CWF19L2: variants seen among roughly 807,000 people sequenced by gnomAD.
CWF19L2 encodes the protein CWF19 like cell cycle control factor 2, also known as CWF19-like protein 2.
A neutral mutation model predicts 111.7 loss-of-function variants in CWF19L2; 98 were observed. That is an observed-to-expected ratio of 0.88 (90% CI 0.75 to 1.04). The LOEUF is 1.04. Among genes scored for constraint, CWF19L2 ranks in the 50% least tolerant of loss-of-function variants. The pLI, the probability that CWF19L2 is intolerant of heterozygous loss-of-function variation, is 0.00. For missense variants in CWF19L2, 1,101 were observed against 1,051.4 expected (o/e 1.05, Z -0.65); for synonymous variants, 351 against 342.9 (o/e 1.02, Z -0.26).
chr11:107,361,956 A>G (rs1213873187), intron 12 of CWF19L2, among the ~76,000 whole-genome samples: 1 of 152,156 alleles, frequency 6.6e-6, no homozygotes, highest in Admixed American at 6.5e-5. Flanking sequence ...GGCGCAGGTT[A>G]GTGGGTGCAC....
intron 3 of CWF19L2, among the ~76,000 whole-genome samples, chr11:107,452,438 T>A (rs1156619623): frequency 6.6e-6 from 1 of 152,098 alleles, no homozygotes; most frequent in African/African-American, 2.4e-5. Context: ...CACTAAAAAT[T>A]TCAGAACATT....
At chr11:107,424,076 C>T (rs1320259098) in intron 8 of CWF19L2, among the ~76,000 whole-genome samples, 1 of 151,660 alleles carries the variant, frequency 6.6e-6, no homozygotes, top group East Asian at 1.9e-4. Context: ...AAGGGGATCA[C>T]CAATATTCTG....
At position 107,429,043 on chromosome 11, in the gene CWF19L2, C is replaced by A. The variant is rs1861422744; in HGVS notation, c.1189G>T (p.Ala397Ser). The change falls in exon 8 of 18, where the codon GCT becomes TCT. Residue 397 changes from alanine to serine, a missense_variant. Ala to Ser is a moderately conservative substitution (Grantham distance 99). Transcript: ENST00000282251. ...EPLSSSSALV[A>S]QGSLCSGFRK... ...AAACCACTACACAAAGAGCCCTGAG[C>A]TACCAATGCTGAAGATGAACTAAGT... The A allele has an allele frequency of 1.9e-6, 3 of 1,613,826 alleles. No homozygotes were observed. Among genetic ancestry groups the A allele is most frequent in the African/African-American group, 2.7e-5 (2 of 75,026 alleles).
rs1861654165 is a variant in CWF19L2, at chr11:107,443,038, A to G, written c.351T>C (p.Asp117=). The change falls in exon 4 of 18, where the codon GAT becomes GAC. Residue 117 remains aspartate, a synonymous_variant. Transcript: ENST00000282251. ...ESSDSSSSSE[D]EWVEAVPSQT... is the part of the protein sequence containing the mutation. Reference sequence around the variant, plus strand: ...GGGATGGAACAGCCTCAACCCACTCATCTTCAGAGCTCTAAGAACATTTAG... The same window carrying G: ...GGGATGGAACAGCCTCAACCCACTCGTCTTCAGAGCTCTAAGAACATTTAG... 3 of 1,546,924 alleles carry G rather than the reference A, an allele frequency of 1.9e-6. No individual in the cohort carries two copies. In the African/African-American group the frequency reaches 4.1e-5, roughly 21 times the overall value.
intron 10 of CWF19L2, among the ~76,000 whole-genome samples, chr11:107,401,622 G>A (rs1222705922): frequency 4.6e-5 from 7 of 152,140 alleles, no homozygotes; most frequent in Admixed American, 2.6e-4. Context: ...GCTCATGGGT[G>A]AGTAGAATCA....
At chr11:107,403,798 T>C in intron 10 of CWF19L2, 2 of 871,354 alleles carry the variant, frequency 2.3e-6, no homozygotes, top group Non-Finnish European at 3.9e-6. Flanking sequence ...CCATATCCAC[T>C]TCTACTGTCA....
In CWF19L2 at chr11:107,404,533, C is replaced by T. The variant is rs1318623542; in HGVS notation, c.1618-11638G>A. The T allele has an allele frequency of 8.7e-6, 6 of 690,360 alleles. No individual in the cohort carries two copies. In the Admixed American group the frequency reaches 1.1e-4, roughly 13 times the overall value. The allele number at this position is 690,360 out of a possible 1,614,324, so 42.8% of individuals were successfully genotyped here. A position where few individuals can be genotyped will look rare whatever the true frequency, so the allele number is the denominator to read the frequency against. Reference sequence around the variant, plus strand: ...ATCCCACAAACCTTGGAGTGCTGGGCATTTGTGTTGCAGGAGCTGGGGTGG... The same window carrying T: ...ATCCCACAAACCTTGGAGTGCTGGGTATTTGTGTTGCAGGAGCTGGGGTGG... On this transcript the variant is annotated intron_variant, in intron 10 of 17. Transcript: ENST00000282251.
chr11:107,414,954 C>T (rs1171557572), intron 10 of CWF19L2, among the ~76,000 whole-genome samples: 2 of 152,172 alleles, frequency 1.3e-5, no homozygotes, highest in East Asian at 3.8e-4. Flanking sequence ...TTCTGCAAAC[C>T]GTTCTTAATA....
At chr11:107,340,742 A>G (rs1201523262) in intron 14 of CWF19L2, among the ~76,000 whole-genome samples, 1 of 152,206 alleles carries the variant, frequency 6.6e-6, no homozygotes, top group Non-Finnish European at 1.5e-5. Context: ...ACTTAGATAA[A>G]AATTGTGTTA....
intron 9 of CWF19L2, among the ~76,000 whole-genome samples, chr11:107,417,307 G>A (rs1861240944): frequency 6.6e-6 from 1 of 152,126 alleles, no homozygotes. Flanking sequence ...ATATGCATGT[G>A]ACAATAAGTG....
At chr11:107,403,949 T>C in intron 10 of CWF19L2, 1 of 883,624 alleles carries the variant, frequency 1.1e-6, no homozygotes, top group South Asian at 1.3e-5. Context: ...TTTAAGGACC[T>C]GCATTCTAGC....
chr11:107,406,793 G>C (rs879568225), intron 10 of CWF19L2, among the ~76,000 whole-genome samples: 1 of 148,728 alleles, frequency 6.7e-6, no homozygotes, highest in Non-Finnish European at 1.5e-5. Context: ...TTCTATTTTA[G>C]TAATTTCAGT....
At chr11:107,412,798 T>C (rs1471991495) in intron 10 of CWF19L2, among the ~76,000 whole-genome samples, 2 of 152,206 alleles carry the variant, frequency 1.3e-5, no homozygotes, top group South Asian at 4.1e-4. Context: ...TGAAATATTA[T>C]TCAGCACTAA....
chr11:107,387,021 T>G (rs972625878), intron 12 of CWF19L2, among the ~76,000 whole-genome samples: 3 of 149,842 alleles, frequency 2.0e-5, no homozygotes, highest in Non-Finnish European at 4.4e-5. Context: ...GCCACTGCAC[T>G]CCAGCCTGGT....
chr11:107,345,472 T>A (rs769406216), intron 14 of CWF19L2: 1 of 459,808 alleles, frequency 2.2e-6, no homozygotes, highest in South Asian at 1.6e-5. Flanking sequence ...AATTATTGGA[T>A]GACTGTTCTA....
chr11:107,400,323 C>T (rs1465011632), intron 10 of CWF19L2, among the ~76,000 whole-genome samples: 4 of 151,624 alleles, frequency 2.6e-5, no homozygotes, highest in Non-Finnish European at 4.4e-5. Flanking sequence ...ACACTATTAG[C>T]AATATTAACC....
rs66699460 is a variant in CWF19L2 at position 107,380,046 on chromosome 11, CAAAAAAA to C, written c.1872+10021_1872+10027del. Among the ~76,000 whole-genome samples the C allele has an allele frequency of 4.2e-3, 146 of 34,486 alleles. 1 individual carries two copies. Among genetic ancestry groups the C allele is most frequent in the African/African-American group, 0.015 (137 of 9,440 alleles). The allele number at this position is 34,486 out of a possible 152,430, so 22.6% of individuals were successfully genotyped here. ...TGGGCGACAGAGCGAGACACCGTCTCAAAAAAAAAAAAAAAAAAAAAAAAAATCAGAT... is the reference window on the plus strand; with the variant it reads ...TGGGCGACAGAGCGAGACACCGTCTCAAAAAAAAAAAAAAAAAAATCAGAT... On this transcript the variant is annotated intron_variant, in intron 12 of 17. Coordinates refer to ENST00000282251, the MANE Select transcript of CWF19L2 (RefSeq NM_152434.3).
At position 107,364,446 on chromosome 11, in the gene CWF19L2, A is replaced by G. The variant is rs987000263; in HGVS notation, c.1873-10710T>C. 4.0e-5 allele frequency among the ~76,000 whole-genome samples: 6 copies of G among 148,672 alleles called. 1 individual carries two copies. Among genetic ancestry groups the G allele is most frequent in the Non-Finnish European group, 5.9e-5 (4 of 67,378 alleles). On this transcript the variant is annotated intron_variant, in intron 12 of 17. Coordinates refer to ENST00000282251, the MANE Select transcript of CWF19L2 (RefSeq NM_152434.3). ...AAGTAAAGCTCTCCTCAGCAAATGT[A>G]AAAGAACAGAAATTATAACAAACTC...
chr11:107,352,121 T>C (rs540247204), intron 13 of CWF19L2, among the ~76,000 whole-genome samples: 1 of 152,194 alleles, frequency 6.6e-6, no homozygotes, highest in Non-Finnish European at 1.5e-5. Context: ...ATGAACCATG[T>C]GGTTGTAAAC....
Sources: gnomAD v4.1 joint callset for allele counts (sites outside exome capture counted in the v4.1 genomes callset) on GRCh38, gnomAD v4.1.1 for gene constraint, MANE v1.5 for transcripts, NCBI Gene and HGNC (gene_info 2026-07-23, HGNC 2026-07-21) for gene names.